The following TENM2 variants were observed in gnomAD, a reference collection of about 807,000 sequenced individuals.
The protein encoded by TENM2 is teneurin transmembrane protein 2.
TENM2 carries 52 observed loss-of-function variants against 245.2 expected under a neutral mutation model. That is an observed-to-expected ratio of 0.21 (90% CI 0.17 to 0.27). The LOEUF (loss-of-function observed/expected upper bound fraction) is 0.27, where lower values mean the gene tolerates loss of function less well. Among genes scored for constraint, TENM2 ranks in the 10% least tolerant of loss-of-function variants. The pLI is 1.00. For missense variants in TENM2, 3,046 were observed against 3,666.8 expected, an observed-to-expected ratio of 0.83 and a Z score of 4.37; for synonymous variants, 1,363 against 1,438.9, an observed-to-expected ratio of 0.95 and a Z score of 1.19.
intron 9 of TENM2, among the ~76,000 whole-genome samples, chr5:168,104,550 G>A (rs932539998): frequency 5.3e-5 from 8 of 152,172 alleles, no homozygotes; most frequent in South Asian, 2.1e-4. Flanking sequence ...CCAAGCGACC[G>A]GGTATGTGTC....
At chr5:167,090,955 A>G in the TENM2 span, among the ~76,000 whole-genome samples, 12 of 152,222 alleles carry the variant, frequency 7.9e-5, no homozygotes, top group Non-Finnish European at 1.5e-5. Context: ...CAGTTTTTCA[A>G]CGCTTTCTGC....
chr5:167,057,545 A>G, the TENM2 span, among the ~76,000 whole-genome samples: 4 of 152,124 alleles, frequency 2.6e-5, no homozygotes, highest in African/African-American at 9.7e-5. Context: ...GAACTTCATC[A>G]GTGCTTCTCA....
chr5:167,916,861 C>T (rs924895965), intron 3 of TENM2, among the ~76,000 whole-genome samples: 1 of 152,228 alleles, frequency 6.6e-6, no homozygotes, highest in Non-Finnish European at 1.5e-5. Context: ...CTCTGCCCTC[C>T]ACAGAACAGC....
At chr5:167,861,246 G>T (rs1259430757) in intron 2 of TENM2, among the ~76,000 whole-genome samples, 1 of 152,044 alleles carries the variant, frequency 6.6e-6, no homozygotes, top group Non-Finnish European at 1.5e-5. Context: ...GTGGGCAAAG[G>T]CCTCTCAGGG....
At chr5:167,353,718 G>A (rs533892409) in intron 1 of TENM2, among the ~76,000 whole-genome samples, 9 of 151,488 alleles carry the variant, frequency 5.9e-5, no homozygotes, top group Middle Eastern at 3.4e-3. Context: ...CGTTTTAGCC[G>A]GGATGGTCTC....
chr5:167,495,882 T>C (rs1386725516), intron 2 of TENM2, among the ~76,000 whole-genome samples: 1 of 152,142 alleles, frequency 6.6e-6, no homozygotes, highest in Non-Finnish European at 1.5e-5. Flanking sequence ...CAAGAAATTA[T>C]GTCATTGGTT....
At chr5:168,127,545 A>C (rs1458986480) in intron 12 of TENM2, among the ~76,000 whole-genome samples, 2 of 152,158 alleles carry the variant, frequency 1.3e-5, no homozygotes, top group Admixed American at 1.3e-4. Flanking sequence ...GATAATTTAA[A>C]GGTCATTTTC....
intron 24 of TENM2, 90 bp from the exon 27 acceptor site, chr5:168,227,805 T>G: frequency 1.2e-6 from 1 of 833,860 alleles, no homozygotes; most frequent in Non-Finnish European, 1.9e-6. Context: ...CATGGAAACC[T>G]ATTAAAAAAA....
intron 7 of TENM2, among the ~76,000 whole-genome samples, chr5:168,086,868 G>T (rs1249795438): frequency 6.6e-6 from 1 of 152,210 alleles, no homozygotes; most frequent in Non-Finnish European, 1.5e-5. Context: ...CTGAGCTTTT[G>T]GAAAATGCTC....
At chr5:168,118,211 A>C in intron 9 of TENM2, 81 bp from the exon 12 acceptor site, 1 of 1,217,462 alleles carries the variant, frequency 8.2e-7, no homozygotes, top group African/African-American at 1.5e-5. Flanking sequence ...CCAAGGCCAG[A>C]CAGCTCTACC....
chr5:167,266,431 CT>C, the TENM2 span, among the ~76,000 whole-genome samples: 1 of 152,018 alleles, frequency 6.6e-6, no homozygotes, highest in Non-Finnish European at 1.5e-5. Flanking sequence ...ACATAGAGTG[CT>C]TTTTAAATTC....
the TENM2 span, among the ~76,000 whole-genome samples, chr5:167,058,979 G>A: frequency 5.3e-5 from 8 of 152,102 alleles, no homozygotes; most frequent in Admixed American, 5.2e-4. Flanking sequence ...CTACTATTAA[G>A]TTGTTTGAAC....
At chr5:167,480,387 CCT>C (rs1412379958) in intron 2 of TENM2, among the ~76,000 whole-genome samples, 13 of 152,246 alleles carry the variant, frequency 8.5e-5, no homozygotes, top group Middle Eastern at 3.4e-3. Flanking sequence ...CAAGTATTCC[CCT>C]GTTTTGTAGA....
At chr5:167,477,067 A>T (rs980063104) in intron 2 of TENM2, among the ~76,000 whole-genome samples, 8 of 152,190 alleles carry the variant, frequency 5.3e-5, no homozygotes, top group Non-Finnish European at 8.8e-5. Flanking sequence ...TCATACAAAT[A>T]CTTTTCCTCA....
chr5:167,476,562 A>G (rs1180099032), intron 2 of TENM2, among the ~76,000 whole-genome samples: 1 of 152,088 alleles, frequency 6.6e-6, no homozygotes, highest in East Asian at 1.9e-4. Flanking sequence ...GAATTGAATC[A>G]CTGGCAACAA....
At chr5:167,748,957 G>A (rs1196136801) in intron 2 of TENM2, among the ~76,000 whole-genome samples, 1 of 152,158 alleles carries the variant, frequency 6.6e-6, no homozygotes, top group East Asian at 1.9e-4. Context: ...ATATTGCCTA[G>A]GCTGGTCTCA....
intron 27 of TENM2, among the ~76,000 whole-genome samples, chr5:168,257,558 A>T (rs2152714446): frequency 6.6e-6 from 1 of 151,680 alleles, no homozygotes; most frequent in Admixed American, 6.6e-5. Context: ...TCAATGAAAG[A>T]AGTGGGGAGA....
At chr5:167,555,106 C>A (rs1463214111) in intron 2 of TENM2, among the ~76,000 whole-genome samples, 1 of 152,176 alleles carries the variant, frequency 6.6e-6, no homozygotes, top group Non-Finnish European at 1.5e-5. Flanking sequence ...CACACACATG[C>A]ATACACACAT....
At chr5:167,951,190 C>A (rs1334663407) in intron 3 of TENM2, among the ~76,000 whole-genome samples, 1 of 152,152 alleles carries the variant, frequency 6.6e-6, no homozygotes, top group Non-Finnish European at 1.5e-5. Flanking sequence ...GTAGCCCGGC[C>A]ACATAAGGAG....
Sources: allele counts gnomAD v4.1 joint callset (sites outside exome capture counted in the v4.1 genomes callset), GRCh38; gene constraint gnomAD v4.1.1; transcripts MANE v1.5; gene names NCBI Gene and HGNC (gene_info 2026-07-23, HGNC 2026-07-21).